Variants in ACTR8 observed in about 807,000 individuals in gnomAD.
ACTR8 encodes the protein actin-related protein 8.
ACTR8 carries 70 observed loss-of-function variants against 84.3 expected under a neutral mutation model. That is an observed-to-expected ratio of 0.83 (90% CI 0.68 to 1.01). ACTR8 has a LOEUF of 1.01. ACTR8 is among the 50% of genes least tolerant of loss of function. ACTR8 has a pLI of 0.00. For missense variants in ACTR8, 672 were observed against 775.4 expected (o/e 0.87, Z 1.58); for synonymous variants, 268 against 275.2 (o/e 0.97, Z 0.26).
intron 6 of ACTR8, 98 bp downstream of exon 6, chr3:53,876,518 CAAAT>C (rs1024282031): frequency 6.0e-4 from 439 of 736,074 alleles, no homozygotes; most frequent in Admixed American, 8.7e-4. Context: ...GACTCTGTCT[CAAAT>C]AAATAAATAA....
At chr3:53,877,601 G>C (rs1699995831) in intron 4 of ACTR8, 46 bp downstream of exon 4, 1 of 1,568,344 alleles carries the variant, frequency 6.4e-7, no homozygotes. Flanking sequence ...TTTAGGAGGA[G>C]GATCAGCTTC....
intron 1 of ACTR8, chr3:53,881,699 A>C: frequency 3.5e-5 from 18 of 518,144 alleles, no homozygotes; most frequent in Admixed American, 3.3e-5. Flanking sequence ...AGCTGAGGCC[A>C]GAGCCCGGGC....
chr3:53,863,183 G>A (rs138581366), downstream of ACTR8, among the ~76,000 whole-genome samples: 1 of 152,186 alleles, frequency 6.6e-6, no homozygotes, highest in African/African-American at 2.4e-5. Flanking sequence ...TATGTTATTG[G>A]TAAGACTTCC....
At chr3:53,864,720 TAAC>T (rs771858202), downstream of ACTR8, 1 of 1,529,788 alleles carries the variant, frequency 6.5e-7, no homozygotes. Flanking sequence ...TGTTCACAGA[TAAC>T]AAATGCTTTT....
At chr3:53,865,157 C>A (rs752842028), downstream of ACTR8, 6 of 1,614,076 alleles carry the variant, frequency 3.7e-6, no homozygotes, top group African/African-American at 1.3e-5. Flanking sequence ...GAGATTGATA[C>A]AAAAGACGAT....
intron 6 of ACTR8, among the ~76,000 whole-genome samples, chr3:53,876,395 TG>T (rs1258356827): frequency 6.6e-6 from 1 of 151,960 alleles, no homozygotes; most frequent in Non-Finnish European, 1.5e-5. Context: ...GGCGGGTGCC[TG>T]TAGTCCCAGC....
At chr3:53,862,907 G>A (rs1279569178), downstream of ACTR8, among the ~76,000 whole-genome samples, 1 of 152,094 alleles carries the variant, frequency 6.6e-6, no homozygotes, top group African/African-American at 2.4e-5. Context: ...GTTACACTGA[G>A]GCGCCCACCT....
Position 53,870,449 on chromosome 3 carries a change from G to A in ACTR8, c.1568-304C>T, listed in dbSNP as rs529443661. ...AGGCAGATCACGAGGTCAGGAGTTC[G>A]AAACCAGCCTGGCCAACATAGTGAA... On this transcript the variant is annotated intron_variant, in intron 11 of 12. Transcript: ENST00000335754. The surrounding 1 kb of genome is among the most constrained non-coding windows in gnomAD (Gnocchi z 4.1). Among the ~76,000 whole-genome samples, 7 of 152,252 alleles carry A rather than the reference G, an allele frequency of 4.6e-5. No individual in the cohort carries two copies. The East Asian group carries it at 9.7e-4, about 21-fold the overall frequency.
the ACTR8 span, chr3:53,859,821 A>AGCTTCT: frequency 9.6e-6 from 2 of 207,932 alleles, no homozygotes. Flanking sequence ...CTCTCTAAAG[A>AGCTTCT]GCTTCTGACT....
intron 3 of ACTR8, 21 bp from the exon 4 acceptor site, chr3:53,877,772 A>C: frequency 6.2e-7 from 1 of 1,601,000 alleles, no homozygotes. Flanking sequence ...AAACCATCAG[A>C]AAATTATCTC....
the ACTR8 span, chr3:53,860,123 T>C: frequency 6.2e-7 from 1 of 1,611,414 alleles, no homozygotes; most frequent in Non-Finnish European, 8.5e-7. Flanking sequence ...AGCTTTGTTT[T>C]TTCCAGACAA....
downstream of ACTR8, chr3:53,864,639 G>A: frequency 1.2e-6 from 1 of 840,278 alleles, no homozygotes; most frequent in Non-Finnish European, 1.9e-6. Context: ...GGCCCTTGGT[G>A]CTCAGCTGAC....
chr3:53,876,099 A>T lies in ACTR8; in HGVS notation c.779-19T>A. 5 of 1,611,752 alleles carry T rather than the reference A, an allele frequency of 3.1e-6. No individual in the cohort carries two copies. Among genetic ancestry groups the T allele is most frequent in the Non-Finnish European group, 4.2e-6 (5 of 1,178,592 alleles). Reference sequence around the variant, plus strand: ...ACAATCCCTGGGGGGGGAAAAGAAAAGGCAGAGTAGTCATTAGCTGTAGCA... The same window carrying T: ...ACAATCCCTGGGGGGGGAAAAGAAATGGCAGAGTAGTCATTAGCTGTAGCA... On this transcript the variant is annotated intron_variant, in intron 6 of 12. Transcript: ENST00000335754.
chr3:53,871,033 T>C, intron 11 of ACTR8, 199 bp downstream of exon 11: 1 of 646,968 alleles, frequency 1.5e-6, no homozygotes, highest in Non-Finnish European at 2.5e-6. Context: ...ATCTGACTTA[T>C]TTTGGCCTCT....
At chr3:53,863,224 G>T (rs188839902), downstream of ACTR8, among the ~76,000 whole-genome samples, 1 of 152,200 alleles carries the variant, frequency 6.6e-6, no homozygotes, top group East Asian at 1.9e-4. Flanking sequence ...AAGTTAAGTT[G>T]TGGGAAAATC....
intron 10 of ACTR8, 35 bp from the exon 11 acceptor site, chr3:53,871,531 T>C (rs1312171199): frequency 2.5e-6 from 4 of 1,609,638 alleles, no homozygotes; most frequent in Non-Finnish European, 3.4e-6. Context: ...TATGTGGTAT[T>C]ACAACAACAG....
At chr3:53,860,025 TA>T in the ACTR8 span, 1 of 812,606 alleles carries the variant, frequency 1.2e-6, no homozygotes, top group Admixed American at 2.4e-5. Context: ...TAAAAAATAA[TA>T]AAAAATAAAT....
chr3:53,871,575 C>G (rs1312156497), intron 10 of ACTR8, 79 bp from the exon 11 acceptor site: 1 of 1,499,310 alleles, frequency 6.7e-7, no homozygotes, highest in Admixed American at 1.8e-5. Context: ...AGATCCCTCC[C>G]TACCCTACTA....
intron 2 of ACTR8, among the ~76,000 whole-genome samples, chr3:53,879,278 G>C (rs1300366293): frequency 1.3e-5 from 2 of 152,180 alleles, no homozygotes; most frequent in Non-Finnish European, 2.9e-5. Flanking sequence ...GACTTACGTA[G>C]AGTCTGCTTG....
Sources: gnomAD v4.1 joint callset for allele counts (sites outside exome capture counted in the v4.1 genomes callset) on GRCh38, gnomAD v4.1.1 for gene constraint, Gnocchi (gnomAD v3.1) non-coding constraint, MANE v1.5 for transcripts, NCBI Gene and HGNC (gene_info 2026-07-23, HGNC 2026-07-21) for gene names.